Variants in KCNQ1OT1 observed in about 807,000 individuals in gnomAD.
KCNQ1OT1 encodes the protein KCNQ1 opposite strand/antisense transcript 1.
rs1849176549 is a variant in KCNQ1OT1, at chr11:2,621,783, GA to G, written n.78211del. The G allele has an allele frequency of 2.5e-6, 1 of 397,996 alleles. No homozygotes were observed. Among genetic ancestry groups the G allele is most frequent in the Non-Finnish European group, 4.4e-6 (1 of 225,884 alleles). 24.7% of individuals were successfully genotyped at this position (397,996 alleles called of 1,614,324 possible). ...CTCTTTCTTAGTCCAAGAGTTTGTT[GA>G]TTTTATTTTTCAAAAATCAATTCTT... is the stretch of plus-strand genomic sequence containing the variant. On this transcript the variant is annotated non_coding_transcript_exon_variant, in exon 1 of 1. Transcript: ENST00000597346. This position sits in a 1 kb window ranked among gnomAD's most constrained non-coding sequence, Gnocchi z 5.7.
exon 1 of KCNQ1OT1, chr11:2,685,376 A>G: frequency 2.5e-6 from 1 of 398,704 alleles, no homozygotes; most frequent in Non-Finnish European, 4.4e-6. Flanking sequence ...TCTGCCTGGT[A>G]CATGGGCAGG....
At chr11:2,625,932 C>G (rs374863620) in exon 1 of KCNQ1OT1, 1 of 398,576 alleles carries the variant, frequency 2.5e-6, no homozygotes. Flanking sequence ...TCTGTATAAT[C>G]TGGACATTAA....
Position 2,673,197 on chromosome 11 carries a change from C to T in KCNQ1OT1, n.26798G>A, listed in dbSNP as rs1450636094. On this transcript the variant is annotated non_coding_transcript_exon_variant, in exon 1 of 1. Coordinates refer to ENST00000597346, the Ensembl canonical transcript of KCNQ1OT1. The surrounding 1 kb of genome is among the most constrained non-coding windows in gnomAD (Gnocchi z 4.5). ...GGGCCCTGGAGCCAAGGCCAAAAGC[C>T]GAACTGTGACTAGGCAAGCTGAGTC... 2.8e-5 allele frequency: 11 copies of T among 398,658 alleles called. No individual in the cohort carries two copies. Among genetic ancestry groups the T allele is most frequent in the South Asian group, 2.5e-4 (2 of 7,848 alleles). The allele number at this position is 398,658 out of a possible 1,614,324, so 24.7% of individuals were successfully genotyped here. A position where few individuals can be genotyped will look rare whatever the true frequency, so the allele number is the denominator to read the frequency against.
At chr11:2,633,590 C>G (rs1589993763) in exon 1 of KCNQ1OT1, 1 of 398,332 alleles carries the variant, frequency 2.5e-6, no homozygotes, top group Non-Finnish European at 4.4e-6. Context: ...ATATGATATC[C>G]TGTTTTCCCA....
In KCNQ1OT1 at chr11:2,663,100, G is replaced by C; in HGVS notation, n.36895C>G. The stretch of plus-strand genomic sequence containing the variant: ...CAGAATGAGGCCACCTCCAGGGAAG[G>C]AGTGGCTATCTTAAGGGGTAATTAT... On this transcript the variant is annotated non_coding_transcript_exon_variant, in exon 1 of 1. Coordinates refer to ENST00000597346, the Ensembl canonical transcript of KCNQ1OT1. This position sits in a 1 kb window ranked among gnomAD's most constrained non-coding sequence, Gnocchi z 5.2. 1 of 398,668 alleles carries C rather than the reference G, an allele frequency of 2.5e-6. No homozygotes were observed. Among genetic ancestry groups the C allele is most frequent in the Non-Finnish European group, 4.4e-6 (1 of 226,116 alleles). The allele number at this position is 398,668 out of a possible 1,614,324, so 24.7% of individuals were successfully genotyped here. A position where few individuals can be genotyped will look rare whatever the true frequency, so the allele number is the denominator to read the frequency against.
exon 1 of KCNQ1OT1, chr11:2,609,447 C>A (rs970849104): frequency 7.5e-6 from 3 of 398,238 alleles, no homozygotes; most frequent in South Asian, 1.3e-4. Context: ...AGCATATGGT[C>A]CTTCTTGGAG....
chr11:2,633,682 T>C (rs1316560458), exon 1 of KCNQ1OT1: 2 of 398,586 alleles, frequency 5.0e-6, no homozygotes, highest in South Asian at 1.3e-4. Flanking sequence ...TGTAAATAAA[T>C]TTATTTACTT....
At position 2,658,269 on chromosome 11, in the gene KCNQ1OT1, A is replaced by G; in HGVS notation, n.41726T>C. Reference sequence around the variant, plus strand: ...ACCGTGATGTACTTCTATTTTCCTCATTCCTTCTACATTTTTTATTTGGAA... The same window carrying G: ...ACCGTGATGTACTTCTATTTTCCTCGTTCCTTCTACATTTTTTATTTGGAA... On this transcript the variant is annotated non_coding_transcript_exon_variant, in exon 1 of 1. Coordinates refer to ENST00000597346, the Ensembl canonical transcript of KCNQ1OT1. The surrounding 1 kb of genome is among the most constrained non-coding windows in gnomAD (Gnocchi z 4.9). The G allele has an allele frequency of 2.5e-6, 1 of 398,484 alleles. No homozygotes were observed. The highest frequency in any genetic ancestry group is 4.4e-6 in the Non-Finnish European group (1 of 226,030). 24.7% of individuals were successfully genotyped at this position (398,484 alleles called of 1,614,324 possible). A position where few individuals can be genotyped will look rare whatever the true frequency, so the allele number is the denominator to read the frequency against.
rs537114529 is a variant in KCNQ1OT1, at chr11:2,615,503, G to GT, written n.84491dup. The stretch of plus-strand genomic sequence containing the variant: ...TCTTTGTTATGGGAGAAATTTTTCA[G>GT]TTTTTTTTCTCATTAAGTATATTAG... On this transcript the variant is annotated non_coding_transcript_exon_variant, in exon 1 of 1. Transcript: ENST00000597346. 3.4e-3 allele frequency: 1,356 copies of GT among 397,622 alleles called. 26 individuals carry two copies. The highest frequency in any genetic ancestry group is 5.8e-4 in the Non-Finnish European group (131 of 225,590). 24.6% of individuals were successfully genotyped at this position (397,622 alleles called of 1,614,324 possible). A position where few individuals can be genotyped will look rare whatever the true frequency, so the allele number is the denominator to read the frequency against.
chr11:2,680,109 C>A, exon 1 of KCNQ1OT1: 1 of 395,172 alleles, frequency 2.5e-6, no homozygotes, highest in South Asian at 1.4e-4. Flanking sequence ...CCAGGCTGGT[C>A]TCAAACTCCT....
chr11:2,641,249 C>G (rs1345202662), exon 1 of KCNQ1OT1: 2 of 398,232 alleles, frequency 5.0e-6, no homozygotes, highest in African/African-American at 4.1e-5. Flanking sequence ...AAACTGTTTT[C>G]TATAGTATTA....
At chr11:2,693,037 G>A in exon 1 of KCNQ1OT1, 1 of 398,662 alleles carries the variant, frequency 2.5e-6, no homozygotes, top group Non-Finnish European at 4.4e-6. Context: ...AGTCCTTTCT[G>A]GAGCAGGGGG....
In KCNQ1OT1 at chr11:2,659,559, T is replaced by C; in HGVS notation, n.40436A>G. 2.5e-6 allele frequency: 1 copy of C among 398,592 alleles called. No individual in the cohort carries two copies. The highest frequency in any genetic ancestry group is 4.4e-6 in the Non-Finnish European group (1 of 226,032). The allele number at this position is 398,592 out of a possible 1,614,324, so 24.7% of individuals were successfully genotyped here. On this transcript the variant is annotated non_coding_transcript_exon_variant, in exon 1 of 1. Transcript: ENST00000597346. The surrounding 1 kb of genome is among the most constrained non-coding windows in gnomAD (Gnocchi z 4.3). Reference sequence around the variant, plus strand: ...ATTTGGTAATTATGAGCAGAGTTACTATACACATTTATGTACAGGTTTTTG... The same window carrying C: ...ATTTGGTAATTATGAGCAGAGTTACCATACACATTTATGTACAGGTTTTTG...
exon 1 of KCNQ1OT1, chr11:2,629,127 A>G: frequency 2.5e-6 from 1 of 398,310 alleles, no homozygotes; most frequent in East Asian, 3.6e-5. Flanking sequence ...TATCTGTGAA[A>G]AAAAGTCACT....
Position 2,657,674 on chromosome 11 carries a change from G to A in KCNQ1OT1, n.42321C>T, listed in dbSNP as rs1849874110. The A allele has an allele frequency of 2.5e-6, 1 of 398,458 alleles. No individual in the cohort carries two copies. Among genetic ancestry groups the A allele is most frequent in the Non-Finnish European group, 4.4e-6 (1 of 226,064 alleles). 24.7% of individuals were successfully genotyped at this position (398,458 alleles called of 1,614,324 possible). A position where few individuals can be genotyped will look rare whatever the true frequency, so the allele number is the denominator to read the frequency against. On this transcript the variant is annotated non_coding_transcript_exon_variant, in exon 1 of 1. Transcript: ENST00000597346. This position sits in a 1 kb window ranked among gnomAD's most constrained non-coding sequence, Gnocchi z 4.8. ...GGATTTCCCCAGTTTAACTACTAATGTCCTTTTTCTGTTCCAAGATCCCAT... is the reference window on the plus strand; with the variant it reads ...GGATTTCCCCAGTTTAACTACTAATATCCTTTTTCTGTTCCAAGATCCCAT...
In KCNQ1OT1 at chr11:2,621,477, T is replaced by A; in HGVS notation, n.78518A>T. 2.5e-6 allele frequency: 1 copy of A among 398,594 alleles called. No homozygotes were observed. Among genetic ancestry groups the A allele is most frequent in the Non-Finnish European group, 4.4e-6 (1 of 226,060 alleles). The allele number at this position is 398,594 out of a possible 1,614,324, so 24.7% of individuals were successfully genotyped here. On this transcript the variant is annotated non_coding_transcript_exon_variant, in exon 1 of 1. Coordinates refer to ENST00000597346, the Ensembl canonical transcript of KCNQ1OT1. This position sits in a 1 kb window ranked among gnomAD's most constrained non-coding sequence, Gnocchi z 5.7. ...GCCAGATGAATAGTTTGCAAATATT[T>A]TTTCTCCCATTCTATATGTTGTCTG...
At position 2,682,091 on chromosome 11, in the gene KCNQ1OT1, C is replaced by G; in HGVS notation, n.17904G>C. On this transcript the variant is annotated non_coding_transcript_exon_variant, in exon 1 of 1. Transcript: ENST00000597346. This position sits in a 1 kb window ranked among gnomAD's most constrained non-coding sequence, Gnocchi z 5.8. ...AGGGATTGAGTCTAGGGCCCAGGGTCACAAAGCTAGGGAGCCGTGGATCTG... is the reference window on the plus strand; with the variant it reads ...AGGGATTGAGTCTAGGGCCCAGGGTGACAAAGCTAGGGAGCCGTGGATCTG... 1 of 398,586 alleles carries G rather than the reference C, an allele frequency of 2.5e-6. No individual in the cohort carries two copies. Among genetic ancestry groups the G allele is most frequent in the Non-Finnish European group, 4.4e-6 (1 of 226,082 alleles). The allele number at this position is 398,586 out of a possible 1,614,324, so 24.7% of individuals were successfully genotyped here. A position where few individuals can be genotyped will look rare whatever the true frequency, so the allele number is the denominator to read the frequency against.
Position 2,664,897 on chromosome 11 carries a change from G to T in KCNQ1OT1, n.35098C>A. ...AAAAACATAAATAAAGACACATTTT[G>T]TTTCCATCTCGAGCTCTCCCCGCCC... On this transcript the variant is annotated non_coding_transcript_exon_variant, in exon 1 of 1. Transcript: ENST00000597346. This position sits in a 1 kb window ranked among gnomAD's most constrained non-coding sequence, Gnocchi z 5.1. 1 of 398,648 alleles carries T rather than the reference G, an allele frequency of 2.5e-6. No homozygotes were observed. The highest frequency in any genetic ancestry group is 4.4e-6 in the Non-Finnish European group (1 of 226,078). 24.7% of individuals were successfully genotyped at this position (398,648 alleles called of 1,614,324 possible).
At position 2,620,220 on chromosome 11, in the gene KCNQ1OT1, T is replaced by A. The variant is rs949590478; in HGVS notation, n.79775A>T. On this transcript the variant is annotated non_coding_transcript_exon_variant, in exon 1 of 1. Coordinates refer to ENST00000597346, the Ensembl canonical transcript of KCNQ1OT1. The surrounding 1 kb of genome is among the most constrained non-coding windows in gnomAD (Gnocchi z 4.5). ...TCATGTATATATATATATTTTTTTT[T>A]TTTATTTTTTTTTTAGACGGAGTTT... is the stretch of plus-strand genomic sequence containing the variant. 7.1e-5 allele frequency: 20 copies of A among 282,944 alleles called. 1 individual carries two copies. The highest frequency in any genetic ancestry group is 1.0e-3 in the Middle Eastern group (1 of 964). The allele number at this position is 282,944 out of a possible 1,614,324, so 17.5% of individuals were successfully genotyped here.
Sources: allele counts gnomAD v4.1 joint callset, GRCh38; gene constraint gnomAD v4.1.1; non-coding constraint Gnocchi (gnomAD v3.1); transcripts MANE v1.5; gene names NCBI Gene and HGNC (gene_info 2026-07-23, HGNC 2026-07-21).